Variants in PPOX observed in about 807,000 individuals in gnomAD.
PPOX encodes the protein variegate porphyria.
In PPOX, 23 loss-of-function variants were observed where a neutral mutation model predicts 54.1. The observed-to-expected ratio is 0.43, with a 90% CI of 0.31 to 0.60. The LOEUF (loss-of-function observed/expected upper bound fraction) is 0.60. Among genes scored for constraint, PPOX ranks in the 20% least tolerant of loss-of-function variants. The pLI, the probability that PPOX is intolerant of heterozygous loss-of-function variation, is 0.13. For synonymous variants in PPOX, 224 were observed against 236.1 expected, an observed-to-expected ratio of 0.95 and a Z score of 0.47; for missense variants, 512 against 601.1, an observed-to-expected ratio of 0.85 and a Z score of 1.55.
downstream of PPOX, chr1:161,172,428 T>G: frequency 9.2e-7 from 1 of 1,081,420 alleles, no homozygotes; most frequent in East Asian, 2.6e-5. Flanking sequence ...AACTATTACT[T>G]AGTAGGCAAA....
chr1:161,169,036 G>C lies in PPOX; in HGVS notation c.660G>C (p.Leu220Phe). The change falls in exon 7 of 13, where the codon TTG (leucine) becomes TTC (phenylalanine). Residue 220 changes from leucine (L) to phenylalanine (F), a missense_variant. Leu to Phe is a conservative substitution (Grantham distance 22). Coordinates refer to ENST00000367999, the MANE Select transcript of PPOX (RefSeq NM_001122764.3). ...QPDSALIRQA[L>F]AERWSQWSLR... is the part of the protein sequence containing the mutation. ...ACTCAGCACTCATTCGCCAGGCCTT[G>C]GCTGAGCGCTGGAGCCAGTGGTCAC... 6.2e-7 allele frequency: 1 copy of C among 1,614,194 alleles called. No individual in the cohort carries two copies. The highest frequency in any genetic ancestry group is 8.5e-7 in the Non-Finnish European group (1 of 1,180,040).
chr1:161,170,371 G>A, intron 9 of PPOX, 38 bp from the exon 10 acceptor site: 1 of 1,270,076 alleles, frequency 7.9e-7, no homozygotes. Flanking sequence ...CTCAGCTAGA[G>A]CCCTTTCCTT....
At chr1:161,173,355 G>A (rs538713931), downstream of PPOX, among the ~76,000 whole-genome samples, 161 of 152,270 alleles carry the variant, frequency 1.1e-3, no homozygotes, top group African/African-American at 3.2e-3. Context: ...TCTGGAATCC[G>A]ACGATACTAT....
intron 9 of PPOX, 88 bp from the exon 10 acceptor site, chr1:161,170,321 T>TGGGGGGGGGGG: frequency 2.7e-6 from 1 of 367,768 alleles, no homozygotes; most frequent in Non-Finnish European, 5.3e-6. Flanking sequence ...TGAGACTCTG[T>TGGGGGGGGGGG]CCCCCCCACC....
Position 161,168,370 on chromosome 1 carries a change from G to A in PPOX, c.472-62G>A, listed in dbSNP as rs779348935. On this transcript the variant is annotated intron_variant, in intron 5 of 12. Transcript: ENST00000367999. Reference sequence around the variant, plus strand: ...CACCCTCATTCCCTACCAAATAGGGGCTGTGGAAATCAGTCAGTGTAGATT... The same window carrying A: ...CACCCTCATTCCCTACCAAATAGGGACTGTGGAAATCAGTCAGTGTAGATT... 5.0e-6 allele frequency: 8 copies of A among 1,610,730 alleles called. No homozygotes were observed. In the South Asian group the frequency reaches 5.5e-5, roughly 11 times the overall value.
downstream of PPOX, chr1:161,175,937 G>A: frequency 1.2e-6 from 2 of 1,614,158 alleles, no homozygotes; most frequent in Non-Finnish European, 1.7e-6. Flanking sequence ...GTCGGTCCCT[G>A]ATCTCGGCCA....
At chr1:161,177,365 T>C (rs1664017277), downstream of PPOX, 2 of 414,914 alleles carry the variant, frequency 4.8e-6, no homozygotes, top group Non-Finnish European at 9.0e-6. Flanking sequence ...TCTCACTCTC[T>C]CGAATGCCCA....
rs1295795376 is a variant in PPOX at position 161,167,203 on chromosome 1, C to T, written c.191C>T (p.Ala64Val). 1 of 1,614,126 alleles carries T rather than the reference C, an allele frequency of 6.2e-7. No individual in the cohort carries two copies. Among genetic ancestry groups the T allele is most frequent in the Non-Finnish European group, 8.5e-7 (1 of 1,180,020 alleles). ...FELGPRGIRP[A>V]GALGARTLLL... Reference sequence around the variant, plus strand: ...CTTGGACCTCGGGGAATTAGGCCAGCGGGAGCCCTAGGGGCCCGGACCTTG... The same window carrying T: ...CTTGGACCTCGGGGAATTAGGCCAGTGGGAGCCCTAGGGGCCCGGACCTTG... The change falls in exon 3 of 13, where the codon GCG (alanine) becomes GTG (valine). Residue 64 changes from alanine to valine, a missense_variant. Physicochemically the swap from Ala to Val is moderately conservative, Grantham distance 64. Coordinates refer to ENST00000367999, the MANE Select transcript of PPOX (RefSeq NM_001122764.3).
Position 161,169,653 on chromosome 1 carries a change from C to T in PPOX, c.808-7C>T, listed in dbSNP as rs1660448132. 6.2e-7 allele frequency: 1 copy of T among 1,613,860 alleles called. No individual in the cohort carries two copies. The highest frequency in any genetic ancestry group is 8.5e-7 in the Non-Finnish European group (1 of 1,179,716). ...TCTGGGTCTCTCAAATGTTTTCATG[C>T]TCTCAGGTATCTCTAAGGGACAGCA... On this transcript the variant is annotated splice_region_variant and splice_polypyrimidine_tract_variant and intron_variant, in intron 7 of 12. Coordinates refer to ENST00000367999, the MANE Select transcript of PPOX (RefSeq NM_001122764.3).
chr1:161,175,173 C>T (rs754598733), downstream of PPOX: 25 of 1,613,620 alleles, frequency 1.5e-5, no homozygotes, highest in Admixed American at 4.2e-4. Context: ...GGGGATTCCG[C>T]TCCACAATCT....
downstream of PPOX, among the ~76,000 whole-genome samples, chr1:161,172,906 G>A (rs146409932): frequency 1.0e-3 from 156 of 151,644 alleles, no homozygotes; most frequent in Non-Finnish European, 1.7e-3. Context: ...AAAAGAAAAG[G>A]GTAGAACCAG....
At chr1:161,168,728 G>A in intron 6 of PPOX, 152 bp downstream of exon 6, 1 of 1,143,804 alleles carries the variant, frequency 8.7e-7, no homozygotes. Flanking sequence ...TGCAATCTCA[G>A]ATCGGCTCGC....
At chr1:161,177,270 A>T (rs1159030583), downstream of PPOX, 2 of 594,842 alleles carry the variant, frequency 3.4e-6, no homozygotes, top group African/African-American at 3.7e-5. Flanking sequence ...ACCTACTAGC[A>T]ACGTGAGCCC....
downstream of PPOX, chr1:161,176,147 T>C (rs1663430295): frequency 6.6e-7 from 1 of 1,508,442 alleles, no homozygotes; most frequent in Non-Finnish European, 9.1e-7. Context: ...GTAGGTAGGG[T>C]TGAAGGTGAT....
At chr1:161,173,360 T>TA (rs969923256), downstream of PPOX, among the ~76,000 whole-genome samples, 1 of 152,208 alleles carries the variant, frequency 6.6e-6, no homozygotes, top group African/African-American at 2.4e-5. Flanking sequence ...AATCCGACGA[T>TA]ACTATTTCCT....
downstream of PPOX, chr1:161,173,840 A>G: frequency 6.2e-7 from 1 of 1,611,556 alleles, no homozygotes; most frequent in Non-Finnish European, 8.5e-7. Context: ...GTTTCCCAGT[A>G]CCCTTCCATG....
chr1:161,166,073 G>A (rs1658786964), upstream of PPOX: 1 of 984,742 alleles, frequency 1.0e-6, no homozygotes, highest in African/African-American at 1.7e-5. Context: ...TGTTTATGGA[G>A]CCGCCTCCCC....
At chr1:161,165,807 C>CT (rs1017685423), upstream of PPOX, 32 of 188,266 alleles carry the variant, frequency 1.7e-4, no homozygotes, top group South Asian at 2.0e-3. Flanking sequence ...AGTTCCCTCT[C>CT]TAACAGGTGG....
At chr1:161,172,725 C>G (rs1232642687), downstream of PPOX, among the ~76,000 whole-genome samples, 3 of 152,132 alleles carry the variant, frequency 2.0e-5, no homozygotes, top group Non-Finnish European at 4.4e-5. Flanking sequence ...CTCCCACATC[C>G]CCCATGTTAA....
Sources: allele counts gnomAD v4.1 joint callset (sites outside exome capture counted in the v4.1 genomes callset), GRCh38; gene constraint gnomAD v4.1.1; transcripts MANE v1.5; gene names NCBI Gene and HGNC (gene_info 2026-07-23, HGNC 2026-07-21).